Variants in SOX5 observed in about 807,000 individuals in gnomAD.
SOX5 encodes transcription factor SOX-5.
SOX5 carries 9 observed loss-of-function variants against 92.0 expected under a neutral mutation model. The ratio of observed to expected loss-of-function variants is 0.10; its 90% CI spans 0.06 to 0.17. The LOEUF (loss-of-function observed/expected upper bound fraction) is 0.17. Among genes scored for constraint, SOX5 ranks in the 10% least tolerant of loss-of-function variants. The pLI, the probability that SOX5 is intolerant of heterozygous loss-of-function variation, is 1.00. For synonymous variants in SOX5, 344 were observed against 336.3 expected (o/e 1.02, Z -0.25); for missense variants, 642 against 944.5 (o/e 0.68, Z 4.20).
intron 4 of SOX5, among the ~76,000 whole-genome samples, chr12:24,164,799 A>C (rs1306265900): frequency 6.6e-6 from 1 of 152,110 alleles, no homozygotes; most frequent in Non-Finnish European, 1.5e-5. Context: ...TGTGGGTAAA[A>C]AGTGGTTAAT....
chr12:23,603,807 C>T (rs1208347875), intron 9 of SOX5: 2 of 152,106 alleles, frequency 1.3e-5, no homozygotes, highest in Non-Finnish European at 2.9e-5. Flanking sequence ...ACCTTCATTT[C>T]CTTACATGAT....
At chr12:23,640,033 T>G (rs989151102) in intron 8 of SOX5, among the ~76,000 whole-genome samples, 3 of 152,236 alleles carry the variant, frequency 2.0e-5, no homozygotes, top group Non-Finnish European at 4.4e-5. Context: ...AGAGTAATCC[T>G]ATTATTAGAT....
In SOX5 at chr12:24,149,425, T is replaced by A. The variant is rs115032034; in HGVS notation, c.-2+63918A>T. Among the ~76,000 whole-genome samples, 909 of 152,224 alleles carry A rather than the reference T, an allele frequency of 6.0e-3. 9 individuals are homozygous for A. Among genetic ancestry groups the A allele is most frequent in the African/African-American group, 0.016 (660 of 41,560 alleles). The stretch of plus-strand genomic sequence containing the variant: ...TACAGACATTTCACTAAAGAAGACA[T>A]GGAGATGGCAAATAAGCATATGAAA... On this transcript the variant is annotated intron_variant, in intron 4 of 4. Coordinates refer to the SOX5 transcript ENST00000446891.
At chr12:24,182,706 C>T (rs1279071387) in intron 4 of SOX5, among the ~76,000 whole-genome samples, 1 of 151,968 alleles carries the variant, frequency 6.6e-6, no homozygotes, top group Non-Finnish European at 1.5e-5. Context: ...AGGAAAAAAT[C>T]CAAATTTCCA....
intron 1 of SOX5, among the ~76,000 whole-genome samples, chr12:24,519,784 T>C (rs1392032497): frequency 6.6e-6 from 1 of 152,134 alleles, no homozygotes; most frequent in East Asian, 1.9e-4. Context: ...TTCGTACACA[T>C]CTTAACAAGG....
At chr12:24,266,161 G>A (rs1258509740) in intron 3 of SOX5, among the ~76,000 whole-genome samples, 1 of 151,492 alleles carries the variant, frequency 6.6e-6, no homozygotes, top group Non-Finnish European at 1.5e-5. Flanking sequence ...TGATCCAGCT[G>A]CCTCAGCCTC....
intron 4 of SOX5, among the ~76,000 whole-genome samples, chr12:23,966,256 G>A (rs1947572129): frequency 8.3e-6 from 1 of 121,146 alleles, no homozygotes; most frequent in Admixed American, 9.4e-5. Flanking sequence ...TTTGGGTAAA[G>A]GGCCTGTACT....
At chr12:23,984,662 T>C (rs776225500) in intron 4 of SOX5, among the ~76,000 whole-genome samples, 1 of 152,192 alleles carries the variant, frequency 6.6e-6, no homozygotes, top group Non-Finnish European at 1.5e-5. Context: ...TCGAAAGTTA[T>C]TTGAATGAGA....
chr12:24,344,706 G>A (rs981822576), intron 2 of SOX5, among the ~76,000 whole-genome samples: 1 of 152,160 alleles, frequency 6.6e-6, no homozygotes, highest in Non-Finnish European at 1.5e-5. Flanking sequence ...GTGAGAGCAC[G>A]CCAATGTGCT....
At position 23,665,495 on chromosome 12, in the gene SOX5, C is replaced by T; in HGVS notation, c.880G>A (p.Ala294Thr). The T allele has an allele frequency of 6.2e-7, 1 of 1,613,608 alleles. No homozygotes were observed. The highest frequency in any genetic ancestry group is 8.5e-7 in the Non-Finnish European group (1 of 1,179,638). Residue 294 changes from alanine (A) to threonine (T), a missense_variant, in exon 7 of 15, where the codon GCC becomes ACC. Physicochemically the swap from Ala to Thr is moderately conservative, Grantham distance 58 (BLOSUM62 0). Transcript: ENST00000451604. ...GGAGGGAGGAGGAATCCTTGCTGGG[C>T]AGCTGCAGCCAGTGTCCGTTGATCA... ...PPDQRTLAAA[A>T]QQGFLLPPGF...
At chr12:23,722,028 C>CA (rs2092846616) in intron 6 of SOX5, among the ~76,000 whole-genome samples, 1 of 151,988 alleles carries the variant, frequency 6.6e-6, no homozygotes, top group Non-Finnish European at 1.5e-5. Flanking sequence ...GTTAGGGGTC[C>CA]AAAAAATACA....
intron 4 of SOX5, among the ~76,000 whole-genome samples, chr12:23,963,134 G>A (rs35502777): frequency 1.3e-5 from 2 of 152,010 alleles, no homozygotes; most frequent in Admixed American, 6.6e-5. Flanking sequence ...GAAACTGCAC[G>A]ATTTCATAAA....
At chr12:23,798,499 TA>T (rs1174329894) in intron 3 of SOX5, among the ~76,000 whole-genome samples, 1 of 151,436 alleles carries the variant, frequency 6.6e-6, no homozygotes, top group Non-Finnish European at 1.5e-5. Context: ...CATACAGAGT[TA>T]CACATGTATA....
intron 6 of SOX5, among the ~76,000 whole-genome samples, chr12:23,704,877 T>C (rs1004644681): frequency 6.7e-6 from 1 of 148,582 alleles, no homozygotes; most frequent in East Asian, 1.9e-4. Context: ...GGAAATTCTG[T>C]TAAATTTTTT....
At chr12:24,467,982 C>G (rs1411707533) in intron 1 of SOX5, among the ~76,000 whole-genome samples, 1 of 152,078 alleles carries the variant, frequency 6.6e-6, no homozygotes, top group Non-Finnish European at 1.5e-5. Context: ...CCTTGGAGGA[C>G]CAAGATAACA....
chr12:24,239,009 A>G (rs1471109206), intron 3 of SOX5, among the ~76,000 whole-genome samples: 2 of 152,200 alleles, frequency 1.3e-5, no homozygotes, highest in Non-Finnish European at 2.9e-5. Context: ...TCTGCCTTTT[A>G]TTTATAAGCA....
chr12:23,587,344 A>C (rs1436639327), intron 9 of SOX5, among the ~76,000 whole-genome samples: 1 of 152,136 alleles, frequency 6.6e-6, no homozygotes, highest in Non-Finnish European at 1.5e-5. Flanking sequence ...GATACTCAAA[A>C]ATTTGCTAAC....
intron 6 of SOX5, among the ~76,000 whole-genome samples, chr12:23,700,115 T>G (rs2090423206): frequency 6.6e-6 from 1 of 152,154 alleles, no homozygotes; most frequent in Non-Finnish European, 1.5e-5. Flanking sequence ...CTGTAAGCCT[T>G]GATCTTGGAT....
At chr12:24,269,937 A>G (rs6416233) in intron 3 of SOX5, among the ~76,000 whole-genome samples, 141,007 of 150,266 alleles carry the variant, frequency 0.94, 66,832 homozygotes, top group East Asian at 1. Flanking sequence ...TTCCTGCCTC[A>G]GTCTCCCCAA....
Sources: gnomAD v4.1 joint callset for allele counts (sites outside exome capture counted in the v4.1 genomes callset) on GRCh38, gnomAD v4.1.1 for gene constraint, MANE v1.5 for transcripts, NCBI Gene and HGNC (gene_info 2026-07-23, HGNC 2026-07-21) for gene names.